MNS1: variants seen among roughly 807,000 people sequenced by gnomAD.
The protein encoded by MNS1 is meiosis specific nuclear structural 1.
MNS1 carries 63 observed loss-of-function variants against 72.0 expected under a neutral mutation model. The ratio of observed to expected loss-of-function variants is 0.87; its 90% CI spans 0.71 to 1.08. The LOEUF is 1.08. Ranked by LOEUF, MNS1 falls within the 50% of genes least tolerant of loss-of-function variation. The pLI is 0.00. For missense variants in MNS1, 604 were observed against 562.4 expected, an observed-to-expected ratio of 1.07 and a Z score of -0.75; for synonymous variants, 188 against 172.1, an observed-to-expected ratio of 1.09 and a Z score of -0.72.
intron 7 of MNS1, among the ~76,000 whole-genome samples, chr15:56,443,175 G>T (rs755856898): frequency 6.6e-6 from 1 of 152,106 alleles, no homozygotes; most frequent in Non-Finnish European, 1.5e-5. Flanking sequence ...TGCTTTTAAA[G>T]TATGTATCTT....
intron 5 of MNS1, 80 bp downstream of exon 5, chr15:56,444,364 G>A (rs538960347): frequency 8.3e-7 from 1 of 1,202,130 alleles, no homozygotes; most frequent in East Asian, 2.4e-5. Context: ...ACTGTTCTAG[G>A]TGCTTCAGTT....
At position 56,464,252 on chromosome 15, in the gene MNS1, G is replaced by C. The variant is rs750168021; in HGVS notation, c.4-5C>G. ...CAAATTTCTCCTTTTGGAACCCTAC[G>C]ATGGAAGAAAAAAAAAGATGCATAT... On this transcript the variant is annotated splice_region_variant and splice_polypyrimidine_tract_variant and intron_variant, in intron 1 of 9. Coordinates refer to ENST00000260453, the MANE Select transcript of MNS1 (RefSeq NM_018365.4). 1.9e-6 allele frequency: 3 copies of C among 1,560,460 alleles called. No individual in the cohort carries two copies. Among genetic ancestry groups the C allele is most frequent in the East Asian group, 2.2e-5 (1 of 44,460 alleles).
At chr15:56,451,187 T>TA (rs2050944814) in intron 3 of MNS1, among the ~76,000 whole-genome samples, 1 of 152,222 alleles carries the variant, frequency 6.6e-6, no homozygotes, top group African/African-American at 2.4e-5. Flanking sequence ...GTAAAACAGA[T>TA]AAGTGCCTTG....
intron 2 of MNS1, among the ~76,000 whole-genome samples, chr15:56,459,882 T>C (rs796931580): frequency 1.9e-4 from 28 of 148,738 alleles, no homozygotes; most frequent in African/African-American, 6.2e-4. Flanking sequence ...CCCAGCTACT[T>C]GGAAGGCCTC....
chr15:56,463,986 C>T, intron 2 of MNS1, 40 bp downstream of exon 2: 1 of 1,528,024 alleles, frequency 6.5e-7, no homozygotes, highest in Non-Finnish European at 8.9e-7. Flanking sequence ...TTCCAAGGTG[C>T]AAAATGAAAA....
intron 7 of MNS1, among the ~76,000 whole-genome samples, chr15:56,442,306 G>A (rs1208426939): frequency 6.6e-6 from 1 of 152,162 alleles, no homozygotes; most frequent in Non-Finnish European, 1.5e-5. Context: ...CAACCACTGT[G>A]AAAAGCACTG....
Position 56,443,719 on chromosome 15 carries a change from A to T in MNS1, c.822T>A (p.Ala274=). The T allele has an allele frequency of 6.2e-7, 1 of 1,613,304 alleles. No homozygotes were observed. Among genetic ancestry groups the T allele is most frequent in the South Asian group, 1.1e-5 (1 of 91,024 alleles). The change falls in exon 6 of 10, where the codon GCT becomes GCA. Residue 274 remains alanine (A), a synonymous_variant. Transcript: ENST00000260453. ...EEENRKIIEF[A]NMQQQREEDR... ...CTTCTTCTCTTTGCTGCTGCATGTT[A>T]GCAAACTCTATGATTTTTCTGTTTT... is the stretch of plus-strand genomic sequence containing the variant.
At chr15:56,460,421 A>G (rs577203468) in intron 2 of MNS1, among the ~76,000 whole-genome samples, 5 of 152,192 alleles carry the variant, frequency 3.3e-5, no homozygotes, top group African/African-American at 1.2e-4. Context: ...CTAAGGATAC[A>G]TGACAACTAA....
intron 9 of MNS1, chr15:56,429,440 C>T: frequency 2.8e-6 from 1 of 352,846 alleles, no homozygotes; most frequent in South Asian, 3.8e-5. Context: ...TCATAGGAAT[C>T]TGAGCTCTTC....
chr15:56,464,672 A>G (rs1194942349), intron 1 of MNS1, among the ~76,000 whole-genome samples: 2 of 152,114 alleles, frequency 1.3e-5, no homozygotes, highest in East Asian at 1.9e-4. Context: ...TAATAGGTCA[A>G]TTCGCCGCTA....
chr15:56,462,545 A>C (rs1268733257), intron 2 of MNS1, among the ~76,000 whole-genome samples: 1 of 152,248 alleles, frequency 6.6e-6, no homozygotes, highest in Non-Finnish European at 1.5e-5. Context: ...ATGAGGAAGC[A>C]AACACGTATA....
chr15:56,456,345 A>C lies in MNS1; in HGVS notation c.353+49T>G, dbSNP rs746728399. ...TTTCAGGTGCTAAGGATTACATAAG[A>C]GTTTAAAGATAAAGACTAAATAAAT... On this transcript the variant is annotated intron_variant, in intron 3 of 9. Coordinates refer to ENST00000260453, the MANE Select transcript of MNS1 (RefSeq NM_018365.4). 8.4e-6 allele frequency: 13 copies of C among 1,540,984 alleles called. No individual in the cohort carries two copies. The Admixed American group carries it at 1.5e-4, about 18-fold the overall frequency.
At position 56,434,379 on chromosome 15, in the gene MNS1, T is replaced by A. The variant is rs1284174360; in HGVS notation, c.1028A>T (p.Lys343Ile). ...CTTCATCTCTTTTTGCTTTCTCAAT[T>A]TCTTTTCTGCTTCTTCCTAAACAAT... ...KSKLKEEAEK[K>I]LRKQKEMKQD... The change falls in exon 8 of 10, where the codon AAA (lysine) becomes ATA (isoleucine). Residue 343 changes from lysine to isoleucine, a missense_variant. By Grantham distance (102) the Lys-to-Ile change is moderately radical. Coordinates refer to ENST00000260453, the MANE Select transcript of MNS1 (RefSeq NM_018365.4). The A allele has an allele frequency of 6.2e-7, 1 of 1,611,770 alleles. No homozygotes were observed.
intron 3 of MNS1, among the ~76,000 whole-genome samples, chr15:56,450,813 T>G (rs1208743710): frequency 6.6e-6 from 1 of 152,214 alleles, no homozygotes; most frequent in African/African-American, 2.4e-5. Context: ...TTGTTTAACT[T>G]TTTCCCATAG....
chr15:56,462,461 C>T (rs1403065588), intron 2 of MNS1, among the ~76,000 whole-genome samples: 2 of 152,066 alleles, frequency 1.3e-5, no homozygotes, highest in African/African-American at 4.8e-5. Context: ...AGGTGGACCG[C>T]AATCTAATTG....
Position 56,434,207 on chromosome 15 carries a change from C to T in MNS1, c.1200G>A (p.Lys400=), listed in dbSNP as rs776831756. 1 of 1,613,848 alleles carries T rather than the reference C, an allele frequency of 6.2e-7. No homozygotes were observed. The highest frequency in any genetic ancestry group is 1.7e-5 in the Admixed American group (1 of 59,964). Residue 400 remains lysine (K), a synonymous_variant, in exon 8 of 10, where the codon AAG becomes AAA. Transcript: ENST00000260453. ...CCACAGCCCTCCTGTGTTCCAGCTG[C>T]TTCATTCTTTGTTTCTGAGCATTCA... ...ELMNAQKQRM[K]QLEHRRAVEK...
chr15:56,462,198 A>G (rs1294633055), intron 2 of MNS1, among the ~76,000 whole-genome samples: 4 of 152,048 alleles, frequency 2.6e-5, no homozygotes, highest in African/African-American at 9.7e-5. Context: ...GAGGAATTTC[A>G]GCTAATTAAA....
intron 3 of MNS1, among the ~76,000 whole-genome samples, chr15:56,450,928 A>G (rs77874385): frequency 0.027 from 4,065 of 152,236 alleles, 282 homozygotes; most frequent in East Asian, 0.24. Context: ...AAAATTGCCT[A>G]TTAGATGTGA....
intron 7 of MNS1, among the ~76,000 whole-genome samples, chr15:56,442,155 G>C (rs1182951789): frequency 6.6e-6 from 1 of 152,110 alleles, no homozygotes; most frequent in Non-Finnish European, 1.5e-5. Flanking sequence ...CTAATCATTA[G>C]AGAAATGCAA....
Sources: allele counts gnomAD v4.1 joint callset (sites outside exome capture counted in the v4.1 genomes callset), GRCh38; gene constraint gnomAD v4.1.1; transcripts MANE v1.5; gene names NCBI Gene and HGNC (gene_info 2026-07-23, HGNC 2026-07-21).